Variants in BICC1 observed in about 807,000 individuals in gnomAD.
The protein encoded by BICC1 is protein bicaudal C homolog 1.
BICC1 carries 43 observed loss-of-function variants against 111.0 expected under a neutral mutation model. The observed-to-expected ratio is 0.39, with a 90% CI of 0.30 to 0.50. The LOEUF (loss-of-function observed/expected upper bound fraction) is 0.50, where lower values mean the gene tolerates loss of function less well. Ranked by LOEUF, BICC1 falls within the 20% of genes least tolerant of loss-of-function variation. The pLI is 0.88. For synonymous variants in BICC1, 467 were observed against 434.4 expected, an observed-to-expected ratio of 1.07 and a Z score of -0.93; for missense variants, 1,091 against 1,203.2, an observed-to-expected ratio of 0.91 and a Z score of 1.38.
chr10:58,542,391 A>G (rs1843015554), intron 1 of BICC1, among the ~76,000 whole-genome samples: 1 of 152,112 alleles, frequency 6.6e-6, no homozygotes, highest in Admixed American at 6.6e-5. Flanking sequence ...TAAGACCTAA[A>G]TGTAATACCT....
At position 58,807,118 on chromosome 10, in the gene BICC1, A is replaced by G. The variant is rs1843732606; in HGVS notation, c.2336A>G (p.Asn779Ser). 5.6e-6 allele frequency: 9 copies of G among 1,613,850 alleles called. No individual in the cohort carries two copies. Among genetic ancestry groups the G allele is most frequent in the Middle Eastern group, 1.6e-4 (1 of 6,078 alleles). ...ACTATCAAGGAGTTGAGAAGGGCCA[A>G]TCATGTGTCCTATAAGCCCACAATG... ...AETIKELRRA[N>S]HVSYKPTMTT... Residue 779 changes from asparagine (N) to serine (S), a missense_variant, in exon 17 of 21, where the codon AAT becomes AGT. Asn to Ser is a conservative substitution (Grantham distance 46). This residue lies in a region of BICC1 where 231 missense variants were observed against 256.2 expected (regional missense o/e 0.90). Transcript: ENST00000373886.
chr10:58,651,204 A>G lies in BICC1; in HGVS notation c.237+30303A>G, dbSNP rs372111423. ...AAGGGAGATTTTGGCCTTGTTCACA[A>G]ATACTTCCTCTGCACAGTGAGATGG... On this transcript the variant is annotated intron_variant, in intron 2 of 20. Coordinates refer to ENST00000373886, the MANE Select transcript of BICC1 (RefSeq NM_001080512.3). 2.0e-4 allele frequency among the ~76,000 whole-genome samples: 30 copies of G among 152,308 alleles called. No homozygotes were observed. The East Asian group carries it at 4.6e-3, about 24-fold the overall frequency.
At chr10:58,614,683 A>G (rs1239036790) in intron 1 of BICC1, among the ~76,000 whole-genome samples, 3 of 152,056 alleles carry the variant, frequency 2.0e-5, no homozygotes, top group Admixed American at 1.3e-4. Flanking sequence ...CATTCTGTGA[A>G]GGGTGTTTAG....
intron 1 of BICC1, among the ~76,000 whole-genome samples, chr10:58,605,905 AT>A (rs1315656057): frequency 2.0e-5 from 3 of 152,102 alleles, no homozygotes; most frequent in African/African-American, 7.2e-5. Context: ...TTTTGTCAGA[AT>A]TTTGTTTTTC....
Position 58,555,305 on chromosome 10 carries a change from CAT to C in BICC1, c.190+41973_190+41974del, listed in dbSNP as rs1491409114. ...GCTGAAGAGAATAGAGGCTGTTGGACATTTTTTTTTTTTTTTTTTTTTTTTTT... is the reference window on the plus strand; with the variant it reads ...GCTGAAGAGAATAGAGGCTGTTGGACTTTTTTTTTTTTTTTTTTTTTTTTT... On this transcript the variant is annotated intron_variant, in intron 1 of 20. Coordinates refer to ENST00000373886, the MANE Select transcript of BICC1 (RefSeq NM_001080512.3). 5.3e-3 allele frequency among the ~76,000 whole-genome samples: 499 copies of C among 93,776 alleles called. 17 individuals are homozygous for C. Among genetic ancestry groups the C allele is most frequent in the African/African-American group, 0.021 (471 of 22,686 alleles). 61.5% of individuals were successfully genotyped at this position (93,776 alleles called of 152,430 possible). A position where few individuals can be genotyped will look rare whatever the true frequency, so the allele number is the denominator to read the frequency against.
At chr10:58,685,093 G>A (rs1839672828) in intron 2 of BICC1, among the ~76,000 whole-genome samples, 1 of 152,184 alleles carries the variant, frequency 6.6e-6, no homozygotes, top group Non-Finnish European at 1.5e-5. Context: ...TGGTTTCAAA[G>A]AACATCTTTA....
In BICC1 at chr10:58,792,835, A is replaced by C. The variant is rs1843224855; in HGVS notation, c.1048-649A>C. On this transcript the variant is annotated intron_variant, in intron 8 of 20. Transcript: ENST00000373886. ...AATGTAATGTGCTTGAATCATCTGA[A>C]ACCATCCCCCTTCCCTCCCCCTCCC... Among the ~76,000 whole-genome samples the C allele has an allele frequency of 2.0e-5, 3 of 152,222 alleles. No individual in the cohort carries two copies. The South Asian group carries it at 6.2e-4, about 32-fold the overall frequency.
intron 1 of BICC1, among the ~76,000 whole-genome samples, chr10:58,615,298 T>C (rs1226667272): frequency 2.0e-5 from 3 of 152,232 alleles, no homozygotes; most frequent in African/African-American, 7.2e-5. Context: ...TAGAAATGTG[T>C]GATTCAAATG....
intron 3 of BICC1, among the ~76,000 whole-genome samples, chr10:58,751,303 G>A (rs187144017): frequency 8.4e-4 from 128 of 152,212 alleles, no homozygotes; most frequent in African/African-American, 2.9e-3. Flanking sequence ...TGGTACAGTT[G>A]TTGAAACACT....
chr10:58,563,306 C>T (rs1843662548), intron 1 of BICC1, among the ~76,000 whole-genome samples: 1 of 152,118 alleles, frequency 6.6e-6, no homozygotes, highest in Non-Finnish European at 1.5e-5. Context: ...GGGAGCAGTG[C>T]AGCCATGTTA....
intron 2 of BICC1, among the ~76,000 whole-genome samples, chr10:58,691,747 C>T (rs114459129): frequency 6.6e-6 from 1 of 152,250 alleles, no homozygotes; most frequent in South Asian, 2.1e-4. Flanking sequence ...TCGCTTGGCT[C>T]GGTTTGCCTC....
At chr10:58,817,391 T>C (rs944242159) in intron 18 of BICC1, among the ~76,000 whole-genome samples, 171 bp from the exon 19 acceptor site, 2 of 152,196 alleles carry the variant, frequency 1.3e-5, no homozygotes, top group African/African-American at 2.4e-5. Flanking sequence ...ATAACCAGCA[T>C]TTCCTTAATG....
At chr10:58,545,640 A>G (rs1317974546) in intron 1 of BICC1, among the ~76,000 whole-genome samples, 1 of 152,204 alleles carries the variant, frequency 6.6e-6, no homozygotes, top group Non-Finnish European at 1.5e-5. Context: ...GATGCCTTCA[A>G]ATAACTGATT....
intron 3 of BICC1, among the ~76,000 whole-genome samples, chr10:58,773,505 C>G (rs1465679526): frequency 6.6e-6 from 1 of 152,184 alleles, no homozygotes; most frequent in Non-Finnish European, 1.5e-5. Context: ...CAGCTGGAAG[C>G]CATTATCATC....
At chr10:58,796,160 C>T (rs1017780059) in intron 9 of BICC1, among the ~76,000 whole-genome samples, 180 bp from the exon 10 acceptor site, 2 of 152,072 alleles carry the variant, frequency 1.3e-5, no homozygotes, top group Non-Finnish European at 2.9e-5. Flanking sequence ...TAGGGTTTTG[C>T]CAGAAGGAGT....
intron 1 of BICC1, among the ~76,000 whole-genome samples, chr10:58,549,085 A>G (rs779272432): frequency 6.6e-6 from 1 of 151,664 alleles, no homozygotes; most frequent in Non-Finnish European, 1.5e-5. Context: ...GACTCAAGCA[A>G]TCTGCCCATC....
rs556094849 is a variant in BICC1, at chr10:58,724,373, CTG to C, written c.307+22234_307+22235del. Among the ~76,000 whole-genome samples the C allele has an allele frequency of 2.0e-5, 3 of 152,096 alleles. No homozygotes were observed. In the South Asian group the frequency reaches 6.2e-4, roughly 32 times the overall value. On this transcript the variant is annotated intron_variant, in intron 3 of 20. Coordinates refer to ENST00000373886, the MANE Select transcript of BICC1 (RefSeq NM_001080512.3). ...AATTGGATGATTGGATGAAAGAACT[CTG>C]TGTCTGTGTGTGTGTGTATATGTGT...
intron 15 of BICC1, among the ~76,000 whole-genome samples, chr10:58,806,261 A>G (rs1437927657): frequency 6.6e-6 from 1 of 152,178 alleles, no homozygotes; most frequent in African/African-American, 2.4e-5. Flanking sequence ...GCTGTTCACT[A>G]TATTCTAGCA....
intron 1 of BICC1, among the ~76,000 whole-genome samples, chr10:58,549,842 T>C (rs1658453): frequency 0.46 from 69,228 of 150,926 alleles, 16,882 homozygotes; most frequent in Admixed American, 0.62. Context: ...TGCACCATTG[T>C]GCCCGGCTAA....
Sources: gnomAD v4.1 joint callset for allele counts (sites outside exome capture counted in the v4.1 genomes callset) on GRCh38, gnomAD v4.1.1 for gene constraint, gnomAD v4.1.1 regional missense constraint, MANE v1.5 for transcripts, NCBI Gene and HGNC (gene_info 2026-07-23, HGNC 2026-07-21) for gene names.